Variants in DGKB observed in about 807,000 individuals in gnomAD.
DGKB encodes the protein 90 kDa diacylglycerol kinase.
Under a neutral mutation model 114.3 loss-of-function variants are expected in DGKB, and 67 were observed. That is an observed-to-expected ratio of 0.59 (90% confidence interval 0.48 to 0.72). The LOEUF (loss-of-function observed/expected upper bound fraction) is 0.72. DGKB is among the 30% of genes least tolerant of loss of function. The pLI, the probability that DGKB is intolerant of heterozygous loss-of-function variation, is 0.00. For missense variants in DGKB, 907 were observed against 975.2 expected (o/e 0.93, Z 0.93); for synonymous variants, 398 against 323.1 (o/e 1.23, Z -2.49).
intron 25 of DGKB, among the ~76,000 whole-genome samples, chr7:14,173,344 A>G (rs965891500): frequency 9.9e-5 from 15 of 152,180 alleles, no homozygotes; most frequent in Non-Finnish European, 1.9e-4. Context: ...TAAAATATAC[A>G]TAACATAAAA....
chr7:14,801,937 C>G (rs916856385), intron 2 of DGKB, among the ~76,000 whole-genome samples: 1 of 151,570 alleles, frequency 6.6e-6, no homozygotes, highest in South Asian at 2.1e-4. Flanking sequence ...CACACACACA[C>G]ACACACACAC....
At chr7:14,267,939 A>C (rs905614603) in intron 23 of DGKB, among the ~76,000 whole-genome samples, 23 of 152,194 alleles carry the variant, frequency 1.5e-4, no homozygotes, top group African/African-American at 4.8e-4. Flanking sequence ...TAACTAGGTT[A>C]CAACAAGATA....
chr7:14,344,738 A>G (rs1052287657), intron 22 of DGKB, among the ~76,000 whole-genome samples: 1 of 151,338 alleles, frequency 6.6e-6, no homozygotes, highest in Non-Finnish European at 1.5e-5. Context: ...ATTTGCTCCA[A>G]GTCTTTTTAA....
chr7:14,351,789 G>T (rs1473833988), intron 21 of DGKB, among the ~76,000 whole-genome samples: 1 of 152,132 alleles, frequency 6.6e-6, no homozygotes, highest in Non-Finnish European at 1.5e-5. Context: ...TTACTATTCA[G>T]ATGAACACAT....
chr7:14,209,171 T>C (rs1418648074), intron 23 of DGKB: 1 of 245,294 alleles, frequency 4.1e-6, no homozygotes, highest in East Asian at 1.3e-4. Context: ...TTACTACTGA[T>C]AGAAAAAAAA....
intron 2 of DGKB, among the ~76,000 whole-genome samples, chr7:14,773,322 T>G (rs1180403622): frequency 6.6e-6 from 1 of 152,110 alleles, no homozygotes; most frequent in Non-Finnish European, 1.5e-5. Flanking sequence ...GAGAATGCAT[T>G]CTTATTTTCC....
intron 2 of DGKB, among the ~76,000 whole-genome samples, chr7:14,820,795 CAT>C (rs1562623846): frequency 6.6e-6 from 1 of 152,126 alleles, no homozygotes; most frequent in African/African-American, 2.4e-5. Context: ...CCAAAATTAA[CAT>C]AGTGTGTTTT....
In DGKB at chr7:14,843,028, C is replaced by T. The variant is rs377134041; in HGVS notation, c.-187-1578G>A. Among the ~76,000 whole-genome samples the T allele has an allele frequency of 6.0e-4, 91 of 152,022 alleles. No individual in the cohort carries two copies. The East Asian group carries it at 0.014, about 23-fold the overall frequency. On this transcript the variant is annotated intron_variant, in intron 1 of 25. Transcript: ENST00000402815. ...TTTGAGACCAGCCTGGACAACATAA[C>T]GAGACCCCATCTCTACAAAAAAAAC...
intron 20 of DGKB, among the ~76,000 whole-genome samples, chr7:14,565,993 A>C (rs979564851): frequency 6.6e-6 from 1 of 151,888 alleles, no homozygotes; most frequent in African/African-American, 2.4e-5. Context: ...TTTTCTTTTT[A>C]GTTTTTGAGG....
At chr7:14,729,123 CTTTTT>C (rs1162368398) in intron 5 of DGKB, among the ~76,000 whole-genome samples, 1 of 113,416 alleles carries the variant, frequency 8.8e-6, no homozygotes, top group African/African-American at 3.6e-5. Context: ...CATTTTCTTT[CTTTTT>C]TTTTTTTTTT....
At position 14,718,285 on chromosome 7, in the gene DGKB, A is replaced by C. The variant is rs140432122; in HGVS notation, c.466+257T>G. Among the ~76,000 whole-genome samples the C allele has an allele frequency of 7.9e-3, 1,196 of 152,282 alleles. 17 individuals are homozygous for C. The highest frequency in any genetic ancestry group is 0.028 in the African/African-American group (1,151 of 41,570). ...TCTTGTTAACTCCAGAGAACTGAGG[A>C]ACAGCTTTTTAAAGTCATATGACAA... On this transcript the variant is annotated intron_variant, in intron 6 of 25. Transcript: ENST00000402815.
intron 23 of DGKB, among the ~76,000 whole-genome samples, chr7:14,336,294 T>A (rs1810651365): frequency 6.6e-6 from 1 of 152,108 alleles, no homozygotes; most frequent in Admixed American, 6.5e-5. Context: ...AAAAGACTAA[T>A]ATATAACAGG....
At chr7:14,867,921 G>T (rs1393827093) in intron 1 of DGKB, among the ~76,000 whole-genome samples, 1 of 152,132 alleles carries the variant, frequency 6.6e-6, no homozygotes, top group African/African-American at 2.4e-5. Flanking sequence ...GGTAGCTTCA[G>T]CGAAGAATCC....
chr7:14,518,832 C>T (rs1789273213), intron 20 of DGKB, among the ~76,000 whole-genome samples: 1 of 151,936 alleles, frequency 6.6e-6, no homozygotes, highest in African/African-American at 2.4e-5. Context: ...TTAGCACATA[C>T]CACAATCACC....
chr7:14,443,898 A>G (rs1013895101), intron 21 of DGKB, among the ~76,000 whole-genome samples: 4 of 151,634 alleles, frequency 2.6e-5, no homozygotes, highest in Admixed American at 2.6e-4. Flanking sequence ...TCTATTTATC[A>G]TTTACTTCTG....
chr7:14,461,660 G>A (rs945379025), intron 21 of DGKB, among the ~76,000 whole-genome samples: 11 of 151,744 alleles, frequency 7.2e-5, no homozygotes, highest in Non-Finnish European at 1.3e-4. Context: ...ATTCACAGCC[G>A]AATTCTACCA....
intron 25 of DGKB, among the ~76,000 whole-genome samples, chr7:14,172,282 G>T (rs924258852): frequency 6.6e-6 from 1 of 152,160 alleles, no homozygotes; most frequent in Non-Finnish European, 1.5e-5. Flanking sequence ...GTAGAAGAGT[G>T]CCATGGTGAG....
intron 23 of DGKB, among the ~76,000 whole-genome samples, chr7:14,221,766 A>T (rs1157219590): frequency 6.6e-6 from 1 of 151,164 alleles, no homozygotes; most frequent in Non-Finnish European, 1.5e-5. Flanking sequence ...CATTTGGTAG[A>T]ATTTGCCAGT....
intron 1 of DGKB, among the ~76,000 whole-genome samples, chr7:14,937,491 T>C (rs981139490): frequency 2.3e-4 from 35 of 152,286 alleles, no homozygotes; most frequent in South Asian, 4.1e-4. Flanking sequence ...ATATATAGTC[T>C]GTGTGTATAT....
Sources: allele counts gnomAD v4.1 joint callset (sites outside exome capture counted in the v4.1 genomes callset), GRCh38; gene constraint gnomAD v4.1.1; transcripts MANE v1.5; gene names NCBI Gene and HGNC (gene_info 2026-07-23, HGNC 2026-07-21).